PDZD9: variants seen among roughly 807,000 people sequenced by gnomAD.
PDZD9 encodes PDZ domain containing 9.
PDZD9 carries 13 observed loss-of-function variants against 16.3 expected under a neutral mutation model. The observed-to-expected ratio is 0.80, with a 90% CI of 0.52 to 1.27. The LOEUF is 1.27. PDZD9 is among the 50% of genes most tolerant of loss of function. The pLI is 0.00. For synonymous variants in PDZD9, 120 were observed against 111.0 expected (o/e 1.08, Z -0.51); for missense variants, 288 against 310.9 (o/e 0.93, Z 0.55).
downstream of PDZD9, chr16:21,980,849 CA>C: frequency 1.1e-6 from 1 of 885,436 alleles, no homozygotes; most frequent in Non-Finnish European, 1.6e-6. Flanking sequence ...GGCTCATTCC[CA>C]TAAGATCCGC....
At chr16:21,973,985 C>A in the PDZD9 span, 3 of 1,592,758 alleles carry the variant, frequency 1.9e-6, no homozygotes, top group Non-Finnish European at 2.6e-6. Flanking sequence ...ATGTAAGTTG[C>A]AAACTCACCA....
At chr16:21,998,801 A>AAAAAAG (rs1414163456) in intron 1 of PDZD9, 1 of 151,514 alleles carries the variant, frequency 6.6e-6, no homozygotes, top group African/African-American at 2.4e-5. Flanking sequence ...AAAAAAAAAA[A>AAAAAAG]AGAGAGAGAA....
the PDZD9 span, among the ~76,000 whole-genome samples, chr16:21,961,861 C>T: frequency 6.6e-6 from 1 of 151,364 alleles, no homozygotes; most frequent in Non-Finnish European, 1.5e-5. Flanking sequence ...CCCTGTTGGC[C>T]AGGCTGGTCT....
At chr16:21,987,814 A>G (rs899690691) in intron 3 of PDZD9, among the ~76,000 whole-genome samples, 7 of 152,094 alleles carry the variant, frequency 4.6e-5, no homozygotes, top group African/African-American at 1.7e-4. Context: ...GAGGTGTCTA[A>G]TACAGCTTTT....
chr16:21,982,263 T>C (rs1005664374), downstream of PDZD9, among the ~76,000 whole-genome samples: 4 of 152,118 alleles, frequency 2.6e-5, no homozygotes, highest in Non-Finnish European at 5.9e-5. Context: ...TGACAGAATA[T>C]GGGGGCTGCT....
chr16:21,965,625 T>C, the PDZD9 span: 1 of 813,158 alleles, frequency 1.2e-6, no homozygotes, highest in Non-Finnish European at 1.7e-6. Flanking sequence ...TTCAGCGTGC[T>C]AGCTTTTTCA....
chr16:21,962,873 A>G, the PDZD9 span: 1 of 1,614,060 alleles, frequency 6.2e-7, no homozygotes, highest in Non-Finnish European at 8.5e-7. Context: ...GGCCTTTCAG[A>G]ATCCGCAGAC....
chr16:22,001,095 T>G lies in PDZD9; in HGVS notation c.-48A>C, dbSNP rs1217259105. 1.3e-6 allele frequency: 2 copies of G among 1,485,418 alleles called. No homozygotes were observed. Among genetic ancestry groups the G allele is most frequent in the African/African-American group, 2.8e-5 (2 of 70,952 alleles). 92.0% of individuals were successfully genotyped at this position (1,485,418 alleles called of 1,614,324 possible). A position where few individuals can be genotyped will look rare whatever the true frequency, so the allele number is the denominator to read the frequency against. ...CGGGAGGGCCTCCCGGAGCAGAGGC[T>G]GGAGTCAGTCCCAATGCCAACAGTT... On this transcript the variant is annotated 5_prime_UTR_variant, in exon 1 of 4. Coordinates refer to ENST00000424898, the MANE Select transcript of PDZD9 (RefSeq NM_001363519.1).
At chr16:21,978,732 A>G in the PDZD9 span, among the ~76,000 whole-genome samples, 1 of 152,218 alleles carries the variant, frequency 6.6e-6, no homozygotes. Flanking sequence ...TGAACTGAAG[A>G]AATAGAATGG....
At chr16:21,959,446 C>A in the PDZD9 span, 1 of 173,964 alleles carries the variant, frequency 5.7e-6, no homozygotes, top group Non-Finnish European at 1.2e-5. Context: ...CATAAGATTG[C>A]AGCCATTCAG....
At chr16:21,974,125 C>G in the PDZD9 span, 1 of 670,680 alleles carries the variant, frequency 1.5e-6, no homozygotes, top group African/African-American at 1.9e-5. Context: ...GAAGCATTAT[C>G]TGCTATAGGG....
At chr16:21,996,557 T>G in intron 1 of PDZD9, 56 bp from the exon 2 acceptor site, 3 of 1,443,544 alleles carry the variant, frequency 2.1e-6, no homozygotes, top group Non-Finnish European at 2.8e-6. Flanking sequence ...AGCATGGCCA[T>G]ACCTACTGGG....
chr16:21,960,592 G>A, the PDZD9 span, among the ~76,000 whole-genome samples: 13 of 152,134 alleles, frequency 8.5e-5, no homozygotes, highest in Non-Finnish European at 1.5e-4. Flanking sequence ...ACCTGTATCC[G>A]TTTTTAACAT....
chr16:21,975,931 A>C, the PDZD9 span, among the ~76,000 whole-genome samples: 6 of 152,128 alleles, frequency 3.9e-5, no homozygotes, highest in Non-Finnish European at 8.8e-5. Flanking sequence ...GGTAGCATGC[A>C]CCTGTAGTCC....
downstream of PDZD9, among the ~76,000 whole-genome samples, chr16:21,981,094 TCCAA>T (rs1257435868): frequency 6.6e-6 from 1 of 152,182 alleles, no homozygotes; most frequent in African/African-American, 2.4e-5. Context: ...TTTCATATGA[TCCAA>T]CCTAAATAGT....
At chr16:21,972,963 G>A in the PDZD9 span, among the ~76,000 whole-genome samples, 5 of 152,164 alleles carry the variant, frequency 3.3e-5, no homozygotes, top group African/African-American at 1.2e-4. Context: ...GTCTGGGCGT[G>A]GTGGCGCACG....
the PDZD9 span, chr16:21,957,631 A>G: frequency 6.4e-7 from 1 of 1,570,460 alleles, no homozygotes; most frequent in East Asian, 2.2e-5. Flanking sequence ...TGAAAAAGAA[A>G]AACTAAGATC....
intron 2 of PDZD9, among the ~76,000 whole-genome samples, chr16:21,990,650 CA>C (rs1899000076): frequency 6.6e-6 from 1 of 152,002 alleles, no homozygotes; most frequent in African/African-American, 2.4e-5. Flanking sequence ...AATGGCAAAA[CA>C]AAACAAAACA....
At chr16:21,976,155 T>A in the PDZD9 span, 8 of 1,611,668 alleles carry the variant, frequency 5.0e-6, no homozygotes, top group Admixed American at 1.3e-4. Context: ...CAACTTTTCT[T>A]ATCTGTCCTA....
Sources: allele counts gnomAD v4.1 joint callset (sites outside exome capture counted in the v4.1 genomes callset), GRCh38; gene constraint gnomAD v4.1.1; transcripts MANE v1.5; gene names NCBI Gene and HGNC (gene_info 2026-07-23, HGNC 2026-07-21).